DGKB: variants seen among roughly 807,000 people sequenced by gnomAD.
DGKB encodes the protein diacylglycerol kinase beta.
In DGKB, 67 loss-of-function variants were observed where a neutral mutation model predicts 114.3. The observed-to-expected ratio is 0.59, with a 90% CI of 0.48 to 0.72. DGKB has a LOEUF of 0.72. Among genes scored for constraint, DGKB ranks in the 30% least tolerant of loss-of-function variants. The probability of loss-of-function intolerance (pLI) is 0.00; values close to 1 mark genes in which losing one functional copy is unlikely to be tolerated. For synonymous variants in DGKB, 398 were observed against 323.1 expected (o/e 1.23, Z -2.49); for missense variants, 907 against 975.2 (o/e 0.93, Z 0.93).
chr7:14,823,980 G>A (rs1053072380), intron 2 of DGKB, among the ~76,000 whole-genome samples: 1 of 152,124 alleles, frequency 6.6e-6, no homozygotes, highest in African/African-American at 2.4e-5. Flanking sequence ...CCACATGGCT[G>A]GGGAAGCCTC....
At chr7:14,834,940 A>T (rs565847263) in intron 2 of DGKB, among the ~76,000 whole-genome samples, 1 of 152,304 alleles carries the variant, frequency 6.6e-6, no homozygotes, top group Non-Finnish European at 1.5e-5. Context: ...TGCAAAACTT[A>T]GGTATTGAAA....
At chr7:14,873,585 T>C (rs1367279608) in intron 1 of DGKB, among the ~76,000 whole-genome samples, 1 of 151,950 alleles carries the variant, frequency 6.6e-6, no homozygotes, top group Non-Finnish European at 1.5e-5. Flanking sequence ...ATCAAAAGAA[T>C]AAAGATAAAT....
At chr7:14,777,284 T>C (rs1221568529) in intron 2 of DGKB, among the ~76,000 whole-genome samples, 1 of 152,156 alleles carries the variant, frequency 6.6e-6, no homozygotes. Context: ...AATGCTGGAA[T>C]GAGTTAAGAC....
intron 21 of DGKB, among the ~76,000 whole-genome samples, chr7:14,385,753 G>T (rs182783777): frequency 6.6e-6 from 1 of 152,166 alleles, no homozygotes; most frequent in Non-Finnish European, 1.5e-5. Flanking sequence ...ATATATGAAT[G>T]TAAGCATCTC....
Position 14,938,545 on chromosome 7 carries a change from C to A in DGKB, c.-188+36151G>T, listed in dbSNP as rs373483453. ...TGTAAGACACATTTGTCTGGGACCA[C>A]ATTTTATCAAGAACCCAAAATCACT... is the stretch of plus-strand genomic sequence containing the variant. On this transcript the variant is annotated intron_variant, in intron 1 of 4. Coordinates refer to the DGKB transcript ENST00000437998. 1.5e-4 allele frequency among the ~76,000 whole-genome samples: 23 copies of A among 152,138 alleles called. No individual in the cohort carries two copies. In the South Asian group the frequency reaches 4.8e-3, roughly 32 times the overall value.
rs952654117 is a variant in DGKB at position 14,372,538 on chromosome 7, C to T, written c.1836-27147G>A. On this transcript the variant is annotated intron_variant, in intron 21 of 25. Transcript: ENST00000402815. ...AGTGAAAGAAACACATGGCAAAGTA[C>T]CACCTTGATAAATATCTTTACATCC... Among the ~76,000 whole-genome samples, 3 of 152,084 alleles carry T rather than the reference C, an allele frequency of 2.0e-5. No individual in the cohort carries two copies. The East Asian group carries it at 5.8e-4, about 29-fold the overall frequency.
chr7:14,748,775 C>T (rs557457243), intron 4 of DGKB, among the ~76,000 whole-genome samples: 40 of 152,104 alleles, frequency 2.6e-4, no homozygotes, highest in Non-Finnish European at 3.7e-4. Context: ...CAAAAGATAG[C>T]CTATCATCAG....
In DGKB at chr7:14,806,177, T is replaced by C. The variant is rs187450747; in HGVS notation, c.70+35017A>G. Among the ~76,000 whole-genome samples, 9 of 152,112 alleles carry C rather than the reference T, an allele frequency of 5.9e-5. No individual in the cohort carries two copies. In the South Asian group the frequency reaches 1.2e-3, roughly 21 times the overall value. ...ATTCTTGTTATGACTCTAGCTTAATTTGCAGTCTTCATGAAGACCTAACTT... is the reference window on the plus strand; with the variant it reads ...ATTCTTGTTATGACTCTAGCTTAATCTGCAGTCTTCATGAAGACCTAACTT... On this transcript the variant is annotated intron_variant, in intron 2 of 25. Transcript: ENST00000402815.
chr7:14,210,222 T>G (rs545001567), intron 23 of DGKB, among the ~76,000 whole-genome samples: 69 of 152,200 alleles, frequency 4.5e-4, no homozygotes, highest in African/African-American at 1.6e-3. Context: ...AGTATTTATA[T>G]GATACATCTG....
intron 1 of DGKB, among the ~76,000 whole-genome samples, chr7:14,902,026 T>A (rs1783166983): frequency 1.3e-5 from 2 of 152,134 alleles, no homozygotes; most frequent in Admixed American, 1.3e-4. Flanking sequence ...TGGCACCCAC[T>A]GAAGAGTATT....
chr7:14,792,955 G>C (rs1840887890), intron 2 of DGKB, among the ~76,000 whole-genome samples: 1 of 152,184 alleles, frequency 6.6e-6, no homozygotes. Flanking sequence ...TTGGCAGAAA[G>C]ACTAATATTT....
intron 20 of DGKB, 40 bp downstream of exon 20, chr7:14,574,172 C>G: frequency 6.6e-7 from 1 of 1,523,316 alleles, no homozygotes; most frequent in Non-Finnish European, 8.9e-7. Flanking sequence ...TGTGATTATA[C>G]AGTACAGGTA....
At chr7:14,632,028 A>G (rs1042940302) in intron 13 of DGKB, among the ~76,000 whole-genome samples, 1 of 151,964 alleles carries the variant, frequency 6.6e-6, no homozygotes. Flanking sequence ...CTTACCATGC[A>G]TACATTTGCA....
upstream of DGKB, among the ~76,000 whole-genome samples, chr7:14,904,852 G>T (rs183822748): frequency 5.3e-5 from 8 of 152,182 alleles, no homozygotes; most frequent in African/African-American, 1.7e-4. Flanking sequence ...GTACACTGCA[G>T]TGTAAGGAAG....
At chr7:14,344,002 A>G (rs1163332644) in intron 22 of DGKB, among the ~76,000 whole-genome samples, 1 of 147,996 alleles carries the variant, frequency 6.8e-6, no homozygotes, top group Non-Finnish European at 1.5e-5. Flanking sequence ...ATATACAATA[A>G]TATATAACTA....
intron 23 of DGKB, among the ~76,000 whole-genome samples, chr7:14,293,465 C>T (rs1207376042): frequency 6.6e-6 from 1 of 151,990 alleles, no homozygotes; most frequent in Non-Finnish European, 1.5e-5. Flanking sequence ...ATTTATTCTC[C>T]ATATGTTATG....
intron 21 of DGKB, among the ~76,000 whole-genome samples, chr7:14,358,827 T>A (rs756252399): frequency 3.3e-5 from 5 of 152,098 alleles, no homozygotes; most frequent in Non-Finnish European, 5.9e-5. Context: ...GGAAGAACAT[T>A]CCATGCTCAT....
chr7:14,269,752 T>G (rs2128429006), intron 23 of DGKB, among the ~76,000 whole-genome samples: 1 of 152,304 alleles, frequency 6.6e-6, no homozygotes, highest in African/African-American at 2.4e-5. Flanking sequence ...TCTGTATATC[T>G]TCTTTATTTT....
At chr7:14,172,197 G>A (rs1448605069) in intron 25 of DGKB, among the ~76,000 whole-genome samples, 1 of 151,550 alleles carries the variant, frequency 6.6e-6, no homozygotes, top group Non-Finnish European at 1.5e-5. Context: ...AAAAGTAAGA[G>A]ATTATGTTGG....
Sources: allele counts gnomAD v4.1 joint callset (sites outside exome capture counted in the v4.1 genomes callset), GRCh38; gene constraint gnomAD v4.1.1; transcripts MANE v1.5; gene names NCBI Gene and HGNC (gene_info 2026-07-23, HGNC 2026-07-21).